The following SLC38A6 variants were observed in gnomAD, a reference collection of about 807,000 sequenced individuals.
SLC38A6 encodes solute carrier family 38 member 6, also known as N system amino acid transporter NAT-1.
A neutral mutation model predicts 65.0 loss-of-function variants in SLC38A6; 73 were observed. The observed-to-expected ratio is 1.12, with a 90% confidence interval of 0.93 to 1.37. The LOEUF is 1.37. Ranked by LOEUF, SLC38A6 falls within the 40% of genes most tolerant of loss-of-function variation. The pLI is 0.00. For missense variants in SLC38A6, 561 were observed against 531.1 expected (o/e 1.06, Z -0.55); for synonymous variants, 183 against 178.8 (o/e 1.02, Z -0.19).
At chr14:61,062,592 G>T (rs1388901169) in intron 15 of SLC38A6, among the ~76,000 whole-genome samples, 1 of 151,976 alleles carries the variant, frequency 6.6e-6, no homozygotes, top group Non-Finnish European at 1.5e-5. Flanking sequence ...ATACTGAGTA[G>T]CTGGGACTGC....
rs1012522748 is a variant in SLC38A6, at chr14:60,993,050, G to A, written c.310+8247G>A. On this transcript the variant is annotated intron_variant, in intron 3 of 15. Coordinates refer to ENST00000267488, the MANE Select transcript of SLC38A6 (RefSeq NM_153811.3). ...TTTAGTAGAGACGGGGTTTTACAGC[G>A]TTGGCCAGGCTGGTATAGAACTCCT... 9.2e-5 allele frequency among the ~76,000 whole-genome samples: 14 copies of A among 152,068 alleles called. 1 individual carries two copies. The highest frequency in any genetic ancestry group is 1.9e-4 in the African/African-American group (8 of 41,402).
intron 6 of SLC38A6, among the ~76,000 whole-genome samples, chr14:61,035,706 T>G (rs2041309914): frequency 6.6e-6 from 1 of 152,214 alleles, no homozygotes; most frequent in South Asian, 2.1e-4. Flanking sequence ...TCATTATTTC[T>G]TTAATTAGCA....
chr14:61,081,081 T>C (rs2043625047), intron 16 of SLC38A6, among the ~76,000 whole-genome samples: 1 of 145,418 alleles, frequency 6.9e-6, no homozygotes, highest in African/African-American at 2.5e-5. Context: ...CAATGGTGGC[T>C]AATCATGCTG....
At chr14:61,045,993 C>A in intron 11 of SLC38A6, 74 bp from the exon 12 acceptor site, 1 of 819,032 alleles carries the variant, frequency 1.2e-6, no homozygotes, top group Non-Finnish European at 1.9e-6. Context: ...TTCTCTCGAC[C>A]AGCTTAGGAC....
chr14:60,990,547 G>A (rs891444785), intron 3 of SLC38A6, among the ~76,000 whole-genome samples: 2 of 152,000 alleles, frequency 1.3e-5, no homozygotes, highest in African/African-American at 4.8e-5. Context: ...TAATTGCTTA[G>A]GCCAAAGATC....
chr14:61,019,422 GT>G (rs2040221100), intron 4 of SLC38A6, 118 bp from the exon 5 acceptor site: 1 of 840,660 alleles, frequency 1.2e-6, no homozygotes, highest in Non-Finnish European at 1.8e-6. Context: ...TTTCTTTTTA[GT>G]TTCTCCTCAC....
chr14:61,055,081 AT>A (rs35859119), downstream of SLC38A6, among the ~76,000 whole-genome samples: 80,501 of 108,882 alleles, frequency 0.74, 29,920 homozygotes, highest in Non-Finnish European at 0.81. Context: ...GCAGTGTTGA[AT>A]TTTTTTTTTT....
At chr14:61,033,619 C>G (rs2041154155) in intron 6 of SLC38A6, among the ~76,000 whole-genome samples, 1 of 152,046 alleles carries the variant, frequency 6.6e-6, no homozygotes, top group Admixed American at 6.6e-5. Flanking sequence ...TTGTTTTTCT[C>G]AGGCAGCAGT....
chr14:61,072,698 A>G (rs752129987), intron 15 of SLC38A6, among the ~76,000 whole-genome samples: 1 of 152,184 alleles, frequency 6.6e-6, no homozygotes, highest in Non-Finnish European at 1.5e-5. Context: ...TGTTGTTGCA[A>G]ATGAAAAGAT....
At chr14:61,053,737 G>T (rs921142220), downstream of SLC38A6, among the ~76,000 whole-genome samples, 1 of 152,064 alleles carries the variant, frequency 6.6e-6, no homozygotes, top group African/African-American at 2.4e-5. Flanking sequence ...TAATGGGGTG[G>T]TTTTTCTCTT....
intron 2 of SLC38A6, 64 bp downstream of exon 2, chr14:60,982,702 G>C: frequency 6.7e-7 from 1 of 1,502,770 alleles, no homozygotes. Context: ...GAGAAGTAGA[G>C]AGATAGATTC....
intron 6 of SLC38A6, among the ~76,000 whole-genome samples, chr14:61,035,249 G>A (rs1400308948): frequency 6.6e-6 from 1 of 151,976 alleles, no homozygotes; most frequent in African/African-American, 2.4e-5. Flanking sequence ...AGAAAAAAAA[G>A]CAAAGAAAAA....
chr14:61,049,601 C>G (rs1002784039), intron 12 of SLC38A6, among the ~76,000 whole-genome samples: 2 of 152,282 alleles, frequency 1.3e-5, no homozygotes, highest in Admixed American at 6.5e-5. Flanking sequence ...TGGCCACTTA[C>G]ATGTGTATAT....
intron 3 of SLC38A6, among the ~76,000 whole-genome samples, chr14:60,994,371 C>A (rs2038119419): frequency 6.6e-6 from 1 of 151,826 alleles, no homozygotes; most frequent in Non-Finnish European, 1.5e-5. Flanking sequence ...CATGGGGAAA[C>A]CCTGTCTCTA....
intron 5 of SLC38A6, among the ~76,000 whole-genome samples, chr14:61,022,240 A>G (rs2040380168): frequency 6.6e-6 from 1 of 152,142 alleles, no homozygotes; most frequent in South Asian, 2.1e-4. Context: ...TATTGCCCTA[A>G]AAGCATTCAT....
At chr14:61,021,882 G>A (rs1294370060) in intron 5 of SLC38A6, among the ~76,000 whole-genome samples, 5 of 151,902 alleles carry the variant, frequency 3.3e-5, no homozygotes, top group African/African-American at 1.2e-4. Context: ...TAATAGAATT[G>A]GAAGCTTGCT....
chr14:60,993,554 G>A (rs1441330060), intron 3 of SLC38A6, among the ~76,000 whole-genome samples: 1 of 152,216 alleles, frequency 6.6e-6, no homozygotes, highest in East Asian at 1.9e-4. Context: ...TAGGAGTTCT[G>A]AGACTGCTGG....
intron 3 of SLC38A6, among the ~76,000 whole-genome samples, chr14:60,989,172 C>A (rs760856111): frequency 6.6e-6 from 1 of 152,130 alleles, no homozygotes; most frequent in African/African-American, 2.4e-5. Flanking sequence ...TTTATCTGTG[C>A]CTATATACTC....
chr14:61,062,636 A>G (rs535175406), intron 15 of SLC38A6, among the ~76,000 whole-genome samples: 1 of 151,620 alleles, frequency 6.6e-6, no homozygotes, highest in East Asian at 1.9e-4. Flanking sequence ...TTGTTTTCTC[A>G]TTGTTGACTT....
Sources: gnomAD v4.1 joint callset for allele counts (sites outside exome capture counted in the v4.1 genomes callset) on GRCh38, gnomAD v4.1.1 for gene constraint, MANE v1.5 for transcripts, NCBI Gene and HGNC (gene_info 2026-07-23, HGNC 2026-07-21) for gene names.